The following SNTB1 variants were observed in gnomAD, a reference collection of about 807,000 sequenced individuals.
The protein encoded by SNTB1 is syntrophin beta 1, also known as beta-1-syntrophin.
In SNTB1, 36 loss-of-function variants were observed where a neutral mutation model predicts 48.9. That is an observed-to-expected ratio of 0.74 (90% CI 0.56 to 0.97). SNTB1 has a LOEUF of 0.97. Among genes scored for constraint, SNTB1 ranks in the 50% least tolerant of loss-of-function variants. The pLI, the probability that SNTB1 is intolerant of heterozygous loss-of-function variation, is 0.00. For missense variants in SNTB1, 786 were observed against 703.4 expected (o/e 1.12, Z -1.33); for synonymous variants, 299 against 294.6 (o/e 1.01, Z -0.15).
chr8:120,698,817 T>C (rs1269573773), intron 1 of SNTB1, among the ~76,000 whole-genome samples: 3 of 152,292 alleles, frequency 2.0e-5, no homozygotes, highest in East Asian at 3.9e-4. Context: ...GTGGCTCTAA[T>C]TGGAAATAGA....
At chr8:120,668,799 A>G (rs1817715285) in intron 2 of SNTB1, among the ~76,000 whole-genome samples, 1 of 152,230 alleles carries the variant, frequency 6.6e-6, no homozygotes, top group South Asian at 2.1e-4. Flanking sequence ...TGATTTTACT[A>G]ATTCTAATTA....
intron 1 of SNTB1, among the ~76,000 whole-genome samples, chr8:120,764,929 TA>T (rs1207380487): frequency 4.0e-5 from 6 of 151,498 alleles, no homozygotes; most frequent in Non-Finnish European, 5.9e-5. Flanking sequence ...TATTCCAGTT[TA>T]AAAAAAAACT....
intron 1 of SNTB1, among the ~76,000 whole-genome samples, chr8:120,732,639 GT>G (rs1818870722): frequency 1.3e-5 from 2 of 152,320 alleles, no homozygotes; most frequent in African/African-American, 4.8e-5. Flanking sequence ...GAGACCAGGA[GT>G]TTAAGACCAG....
chr8:120,544,619 C>A (rs536686543), intron 5 of SNTB1, among the ~76,000 whole-genome samples: 2 of 152,106 alleles, frequency 1.3e-5, no homozygotes, highest in African/African-American at 4.8e-5. Flanking sequence ...AAAGATTTTA[C>A]AAAATTTGTA....
intron 2 of SNTB1, among the ~76,000 whole-genome samples, chr8:120,647,340 C>T (rs200687107): frequency 3.1e-4 from 45 of 147,484 alleles, no homozygotes; most frequent in Non-Finnish European, 4.3e-4. Context: ...GCTTTGAATG[C>T]GTCCCAGAGA....
chr8:120,569,756 TAGCCACAG>T (rs1199028680), intron 4 of SNTB1, among the ~76,000 whole-genome samples: 1 of 152,228 alleles, frequency 6.6e-6, no homozygotes, highest in African/African-American at 2.4e-5. Context: ...TGGTAGTCAC[TAGCCACAG>T]GTGGCTATTG....
intron 1 of SNTB1, 34 bp downstream of exon 1, chr8:120,811,238 CG>C: frequency 6.5e-7 from 1 of 1,548,050 alleles, no homozygotes; most frequent in Middle Eastern, 1.8e-4. Flanking sequence ...GGTGTGTGCG[CG>C]CCCGGCGCGG....
chr8:120,578,200 A>ATTTTTTT (rs369383766), intron 3 of SNTB1, among the ~76,000 whole-genome samples: 3 of 146,930 alleles, frequency 2.0e-5, no homozygotes, highest in Non-Finnish European at 3.0e-5. Context: ...CGCCCGGCTA[A>ATTTTTTT]TTTTTTTTTT....
intron 3 of SNTB1, among the ~76,000 whole-genome samples, chr8:120,577,840 T>G (rs1185241744): frequency 6.6e-6 from 1 of 152,204 alleles, no homozygotes; most frequent in Non-Finnish European, 1.5e-5. Context: ...CCTAAAACAT[T>G]TTGCAGTCTA....
chr8:120,633,946 C>T (rs779436143), intron 2 of SNTB1, among the ~76,000 whole-genome samples: 1 of 152,012 alleles, frequency 6.6e-6, no homozygotes, highest in Non-Finnish European at 1.5e-5. Context: ...ATTTTTTTCA[C>T]GTGTAGATTT....
chr8:120,783,102 T>C lies in SNTB1; in HGVS notation c.571+28171A>G, dbSNP rs540675674. Among the ~76,000 whole-genome samples the C allele has an allele frequency of 1.6e-4, 25 of 152,354 alleles. No homozygotes were observed. In the South Asian group the frequency reaches 4.1e-3, roughly 25 times the overall value. On this transcript the variant is annotated intron_variant, in intron 1 of 6. Coordinates refer to ENST00000517992, the MANE Select transcript of SNTB1 (RefSeq NM_021021.4). ...ATCTAACTTGGCTTAACTATTCTGGTTAATTTTGAACACAAGTTCTGCTAG... is the reference window on the plus strand; with the variant it reads ...ATCTAACTTGGCTTAACTATTCTGGCTAATTTTGAACACAAGTTCTGCTAG...
At chr8:120,643,059 G>A (rs1040041407) in intron 2 of SNTB1, among the ~76,000 whole-genome samples, 1 of 152,180 alleles carries the variant, frequency 6.6e-6, no homozygotes, top group East Asian at 1.9e-4. Context: ...GCATCTGAAG[G>A]CTTGACTGGG....
chr8:120,736,598 A>G (rs532786195), intron 1 of SNTB1, among the ~76,000 whole-genome samples: 6 of 152,316 alleles, frequency 3.9e-5, no homozygotes, highest in African/African-American at 1.4e-4. Context: ...AGTGGATATA[A>G]AAAGGCTTCA....
intron 3 of SNTB1, among the ~76,000 whole-genome samples, chr8:120,597,820 C>A (rs1230262060): frequency 6.6e-6 from 1 of 152,216 alleles, no homozygotes; most frequent in East Asian, 1.9e-4. Context: ...AGGCTTCTGG[C>A]TCATCCTGCT....
intron 3 of SNTB1, among the ~76,000 whole-genome samples, chr8:120,584,460 AAG>A (rs58854214): frequency 0.12 from 16,159 of 131,712 alleles, 884 homozygotes; most frequent in Middle Eastern, 0.16. Context: ...AAAAAAAAAA[AAG>A]TGTAGTAATT....
chr8:120,577,845 A>G (rs1422146238), intron 3 of SNTB1, among the ~76,000 whole-genome samples: 1 of 152,232 alleles, frequency 6.6e-6, no homozygotes, highest in African/African-American at 2.4e-5. Context: ...AACATTTTGC[A>G]GTCTATTGAA....
chr8:120,741,638 G>T (rs1348683918), intron 1 of SNTB1, among the ~76,000 whole-genome samples: 1 of 152,040 alleles, frequency 6.6e-6, no homozygotes, highest in Non-Finnish European at 1.5e-5. Context: ...CACAAACAAA[G>T]AAACAAACAC....
chr8:120,607,096 C>T (rs1284693848), intron 3 of SNTB1, among the ~76,000 whole-genome samples: 4 of 151,974 alleles, frequency 2.6e-5, no homozygotes, highest in African/African-American at 9.7e-5. Flanking sequence ...AATTAGTATA[C>T]AGAAATTATA....
intron 1 of SNTB1, among the ~76,000 whole-genome samples, chr8:120,804,361 G>A (rs1003505005): frequency 1.3e-5 from 2 of 151,892 alleles, no homozygotes; most frequent in African/African-American, 2.4e-5. Flanking sequence ...AACTTGTATT[G>A]CTAATCACCG....
Sources: allele counts gnomAD v4.1 joint callset (sites outside exome capture counted in the v4.1 genomes callset), GRCh38; gene constraint gnomAD v4.1.1; transcripts MANE v1.5; gene names NCBI Gene and HGNC (gene_info 2026-07-23, HGNC 2026-07-21).